The following SLC37A1 variants were observed in gnomAD, a reference collection of about 807,000 sequenced individuals.
SLC37A1 encodes the protein solute carrier family 37 member 1, also known as glucose-6-phosphate exchanger SLC37A1.
In SLC37A1, 49 loss-of-function variants were observed where a neutral mutation model predicts 75.3. That is an observed-to-expected ratio of 0.65 (90% CI 0.52 to 0.83). SLC37A1 has a LOEUF of 0.83. Ranked by LOEUF, SLC37A1 falls within the 40% of genes least tolerant of loss-of-function variation. SLC37A1 has a pLI of 0.00. For synonymous variants in SLC37A1, 268 were observed against 292.1 expected (o/e 0.92, Z 0.84); for missense variants, 566 against 695.0 (o/e 0.81, Z 2.09).
At chr21:42,525,106 G>C (rs887735719) in intron 2 of SLC37A1, among the ~76,000 whole-genome samples, 6 of 152,242 alleles carry the variant, frequency 3.9e-5, no homozygotes, top group African/African-American at 1.2e-4. Context: ...GGTTCCCGGA[G>C]GGTGGAGCCC....
rs1329517809 is a variant in SLC37A1 at position 42,545,129 on chromosome 21, G to C, written c.730+1527G>C. ...AAGCCTCCCTGATCCAATTTGGGCA[G>C]ATAGCAATGAGCCAGATGCCCCCTG... On this transcript the variant is annotated intron_variant, in intron 8 of 19. Transcript: ENST00000352133. The surrounding 1 kb of genome is among the most constrained non-coding windows in gnomAD (Gnocchi z 4.0). Among the ~76,000 whole-genome samples, 1 of 152,222 alleles carries C rather than the reference G, an allele frequency of 6.6e-6. No homozygotes were observed. The highest frequency in any genetic ancestry group is 1.9e-4 in the East Asian group (1 of 5,196).
Position 42,552,451 on chromosome 21 carries a change from C to T in SLC37A1, c.769-1611C>T, listed in dbSNP as rs1309783640. The stretch of plus-strand genomic sequence containing the variant: ...GGGTGTGCGTGTTGAGTGTCAGGGA[C>T]ACAGACTCCTCTTGTCTTTTCGTTC... On this transcript the variant is annotated intron_variant, in intron 9 of 19. Coordinates refer to ENST00000352133, the MANE Select transcript of SLC37A1 (RefSeq NM_001320537.2). This position sits in a 1 kb window ranked among gnomAD's most constrained non-coding sequence, Gnocchi z 4.2. Among the ~76,000 whole-genome samples the T allele has an allele frequency of 6.6e-6, 1 of 152,202 alleles. No individual in the cohort carries two copies. Among genetic ancestry groups the T allele is most frequent in the East Asian group, 1.9e-4 (1 of 5,206 alleles).
intron 17 of SLC37A1, among the ~76,000 whole-genome samples, chr21:42,571,192 G>A (rs1309444011): frequency 6.6e-6 from 1 of 152,182 alleles, no homozygotes; most frequent in Admixed American, 6.5e-5. Context: ...CACCATGTCA[G>A]CCAAGTCCCT....
chr21:42,558,231 G>A (rs1373130732), intron 10 of SLC37A1, among the ~76,000 whole-genome samples: 2 of 152,172 alleles, frequency 1.3e-5, no homozygotes, highest in Admixed American at 1.3e-4. Context: ...TGTACACTTT[G>A]TCCTTTAGGA....
At position 42,580,707 on chromosome 21, in the gene SLC37A1, A is replaced by C. The variant is rs1601795817; in HGVS notation, c.*347A>C. On this transcript the variant is annotated 3_prime_UTR_variant, in exon 20 of 20. Coordinates refer to ENST00000352133, the MANE Select transcript of SLC37A1 (RefSeq NM_001320537.2). ...TGGGGGGGGTGCACAGGTAGCCCCG[A>C]CCCTCTCAGGCATTCCAGCCACAGA... The C allele has an allele frequency of 2.5e-6, 1 of 392,500 alleles. No individual in the cohort carries two copies. The highest frequency in any genetic ancestry group is 4.7e-6 in the Non-Finnish European group (1 of 213,942). 24.3% of individuals were successfully genotyped at this position (392,500 alleles called of 1,614,324 possible).
intron 16 of SLC37A1, 152 bp from the exon 17 acceptor site, chr21:42,568,208 C>T (rs963321734): frequency 3.7e-5 from 24 of 655,608 alleles, no homozygotes; most frequent in African/African-American, 3.6e-4. Flanking sequence ...TTTTAACTCT[C>T]CAAGGCAAGC....
intron 8 of SLC37A1, among the ~76,000 whole-genome samples, chr21:42,544,256 C>A (rs974815732): frequency 1.3e-5 from 2 of 152,162 alleles, no homozygotes; most frequent in East Asian, 3.8e-4. Context: ...GTACTCAACT[C>A]TTAGTTCTTT....
intron 13 of SLC37A1, 59 bp downstream of exon 13, chr21:42,563,936 G>C: frequency 1.3e-6 from 2 of 1,584,262 alleles, no homozygotes; most frequent in Non-Finnish European, 1.7e-6. Context: ...CATGATCTCT[G>C]AGTTGATTCA....
Position 42,575,790 on chromosome 21 carries a change from C to T in SLC37A1, c.1521+875C>T, listed in dbSNP as rs532716335. 28 of 985,370 alleles carry T rather than the reference C, an allele frequency of 2.8e-5. No homozygotes were observed. The African/African-American group carries it at 4.7e-4, about 17-fold the overall frequency. 61.0% of individuals were successfully genotyped at this position (985,370 alleles called of 1,614,324 possible). A position where few individuals can be genotyped will look rare whatever the true frequency, so the allele number is the denominator to read the frequency against. The stretch of plus-strand genomic sequence containing the variant: ...AGGAAATTCTAAAACTCAACTTCCC[C>T]ACCACATACAAAATCAAATACCGAC... On this transcript the variant is annotated intron_variant, in intron 18 of 19. Transcript: ENST00000352133.
chr21:42,557,834 A>G (rs996097494), intron 10 of SLC37A1, among the ~76,000 whole-genome samples: 1 of 151,894 alleles, frequency 6.6e-6, no homozygotes, highest in African/African-American at 2.4e-5. Context: ...ATAACAGGTT[A>G]TAGTGAGATA....
At chr21:42,505,356 G>A (rs58569031) in intron 2 of SLC37A1, among the ~76,000 whole-genome samples, 8,573 of 152,200 alleles carry the variant, frequency 0.056, 313 homozygotes, top group South Asian at 0.14. Flanking sequence ...TGCCTATGCT[G>A]TTTGTTCTCT....
intron 2 of SLC37A1, among the ~76,000 whole-genome samples, chr21:42,504,203 G>A (rs1466914463): frequency 6.6e-6 from 1 of 152,164 alleles, no homozygotes; most frequent in Non-Finnish European, 1.5e-5. Flanking sequence ...TACATTTAAA[G>A]AGGGTCCCAG....
rs926343094 is a variant in SLC37A1 at position 42,534,663 on chromosome 21, C to A, written c.139-35C>A. The A allele has an allele frequency of 1.6e-5, 25 of 1,595,522 alleles. No homozygotes were observed. The East Asian group carries it at 5.6e-4, about 36-fold the overall frequency. ...ATGCTGAGCCTCACTGAGGGCACTTCCTCTCCCTGCTTCTGCCCTCCCATC... is the reference window on the plus strand; with the variant it reads ...ATGCTGAGCCTCACTGAGGGCACTTACTCTCCCTGCTTCTGCCCTCCCATC... On this transcript the variant is annotated intron_variant, in intron 3 of 19. Transcript: ENST00000352133.
chr21:42,545,916 G>A lies in SLC37A1; in HGVS notation c.731-1187G>A, dbSNP rs905247115. On this transcript the variant is annotated intron_variant, in intron 8 of 19. Coordinates refer to ENST00000352133, the MANE Select transcript of SLC37A1 (RefSeq NM_001320537.2). The surrounding 1 kb of genome is among the most constrained non-coding windows in gnomAD (Gnocchi z 4.0). ...TGGGTGCAGACCCACCTGGCCCTAC[G>A]GCATGTTGATAATAACCTTATCAAC... Among the ~76,000 whole-genome samples, 14 of 152,348 alleles carry A rather than the reference G, an allele frequency of 9.2e-5. No homozygotes were observed. In the East Asian group the frequency reaches 1.3e-3, roughly 15 times the overall value.
At chr21:42,499,958 C>T (rs2054326218) in intron 1 of SLC37A1, among the ~76,000 whole-genome samples, 1 of 152,264 alleles carries the variant, frequency 6.6e-6, no homozygotes, top group South Asian at 2.1e-4. Flanking sequence ...GTATTTTCCA[C>T]AACCTTCCAG....
intron 9 of SLC37A1, among the ~76,000 whole-genome samples, chr21:42,549,482 G>A (rs2055503637): frequency 6.6e-6 from 1 of 152,258 alleles, no homozygotes; most frequent in Non-Finnish European, 1.5e-5. Flanking sequence ...AGGTGGTCCA[G>A]AGAAACAGCT....
chr21:42,513,779 C>G (rs1468321777), upstream of SLC37A1: 1 of 146,518 alleles, frequency 6.8e-6, no homozygotes, highest in Non-Finnish European at 1.5e-5. Context: ...GGGGAGGAGC[C>G]GCGCGGCTCC....
rs777749908 is a variant in SLC37A1 at position 42,574,827 on chromosome 21, T to A, written c.1433T>A (p.Leu478Gln). The change falls in exon 18 of 20, where the codon CTG becomes CAG. Residue 478 changes from leucine to glutamine, a missense_variant. Physicochemically the swap from Leu to Gln is moderately radical, Grantham distance 113 (BLOSUM62 -2). Transcript: ENST00000352133. Reference protein sequence around the residue: ...IDGTGSVGAALGPLLAGLLSP... With the variant: ...IDGTGSVGAAQGPLLAGLLSP... ...ATTTGCCTGATTTCAGGAGCAGCCC[T>A]GGGCCCCCTGCTGGCTGGGCTCCTC... 19 of 1,614,050 alleles carry A rather than the reference T, an allele frequency of 1.2e-5. 1 individual carries two copies. In the South Asian group the frequency reaches 2.0e-4, roughly 17 times the overall value.
At chr21:42,513,371 C>T (rs2054459886), upstream of SLC37A1, among the ~76,000 whole-genome samples, 1 of 152,262 alleles carries the variant, frequency 6.6e-6, no homozygotes, top group African/African-American at 2.4e-5. Flanking sequence ...AATCCGCGTG[C>T]CGCATTTCCA....
Sources: allele counts gnomAD v4.1 joint callset (sites outside exome capture counted in the v4.1 genomes callset), GRCh38; gene constraint gnomAD v4.1.1; non-coding constraint Gnocchi (gnomAD v3.1); transcripts MANE v1.5; gene names NCBI Gene and HGNC (gene_info 2026-07-23, HGNC 2026-07-21).